GRIK1: variants seen among roughly 807,000 people sequenced by gnomAD.
The protein encoded by GRIK1 is glutamate receptor ionotropic, kainate 1.
Under a neutral mutation model 105.7 loss-of-function variants are expected in GRIK1, and 69 were observed. The observed-to-expected ratio is 0.65, with a 90% CI of 0.54 to 0.80. The LOEUF is 0.80. GRIK1 is among the 30% of genes least tolerant of loss of function. The probability of loss-of-function intolerance (pLI) is 0.00; values close to 1 mark genes in which losing one functional copy is unlikely to be tolerated. For synonymous variants in GRIK1, 438 were observed against 431.3 expected (o/e 1.02, Z -0.19); for missense variants, 1,109 against 1,167.3 (o/e 0.95, Z 0.73).
At chr21:29,560,284 T>C (rs937087701) in intron 15 of GRIK1, among the ~76,000 whole-genome samples, 1 of 38,312 alleles carries the variant, frequency 2.6e-5, no homozygotes, top group Non-Finnish European at 5.0e-5. Flanking sequence ...TACAGTTTTC[T>C]TTCTTTCTTT....
intron 1 of GRIK1, among the ~76,000 whole-genome samples, chr21:29,745,968 G>T (rs967868878): frequency 1.3e-5 from 2 of 152,096 alleles, no homozygotes; most frequent in Non-Finnish European, 2.9e-5. Flanking sequence ...GCCAGGTGTG[G>T]TGGCGGGCGC....
At chr21:29,562,226 C>T (rs1452546037) in intron 14 of GRIK1, among the ~76,000 whole-genome samples, 1 of 152,166 alleles carries the variant, frequency 6.6e-6, no homozygotes, top group Non-Finnish European at 1.5e-5. Flanking sequence ...CTTGATCTAG[C>T]ATTCTTCTGC....
chr21:29,902,408 A>G (rs1403885162), intron 1 of GRIK1, among the ~76,000 whole-genome samples: 1 of 152,230 alleles, frequency 6.6e-6, no homozygotes, highest in African/African-American at 2.4e-5. Context: ...CCATCATCTC[A>G]GCCCAAATTC....
At chr21:29,727,124 T>A (rs1024282351) in intron 1 of GRIK1, among the ~76,000 whole-genome samples, 1 of 151,926 alleles carries the variant, frequency 6.6e-6, no homozygotes, top group African/African-American at 2.4e-5. Context: ...TGGGGTCTCA[T>A]CATGTTGCCC....
At chr21:29,850,793 A>G (rs552907081) in intron 1 of GRIK1, among the ~76,000 whole-genome samples, 1 of 152,324 alleles carries the variant, frequency 6.6e-6, no homozygotes, top group South Asian at 2.1e-4. Flanking sequence ...AATCTTCAGT[A>G]TAACAGGGGA....
At chr21:29,863,141 A>G (rs1253740943) in intron 1 of GRIK1, among the ~76,000 whole-genome samples, 3 of 152,226 alleles carry the variant, frequency 2.0e-5, no homozygotes, top group African/African-American at 7.2e-5. Context: ...TTTGAAAATC[A>G]TATTCTGATA....
chr21:29,709,328 T>C (rs1171257355), intron 1 of GRIK1, among the ~76,000 whole-genome samples: 2 of 150,298 alleles, frequency 1.3e-5, no homozygotes, highest in African/African-American at 4.9e-5. Context: ...TTGCCCAGAT[T>C]GGAGTGCCGT....
At chr21:29,679,726 T>G (rs1201557316) in intron 3 of GRIK1, among the ~76,000 whole-genome samples, 1 of 152,228 alleles carries the variant, frequency 6.6e-6, no homozygotes, top group Non-Finnish European at 1.5e-5. Context: ...TCCTAACCTC[T>G]ACTCCCTCAG....
intron 11 of GRIK1, among the ~76,000 whole-genome samples, chr21:29,587,812 C>A (rs1306580924): frequency 6.6e-6 from 1 of 151,872 alleles, no homozygotes; most frequent in East Asian, 1.9e-4. Flanking sequence ...CATATACATA[C>A]ACAAATATAT....
Position 29,537,390 on chromosome 21 carries a change from G to A in GRIK1, c.2695-5C>T, listed in dbSNP as rs1310774239. The A allele has an allele frequency of 2.5e-6, 4 of 1,605,724 alleles. No individual in the cohort carries two copies. In the Middle Eastern group the frequency reaches 6.7e-4, roughly 267 times the overall value. On this transcript the variant is annotated splice_region_variant and splice_polypyrimidine_tract_variant and intron_variant, in intron 17 of 17. Coordinates refer to ENST00000327783, the MANE Select transcript of GRIK1 (RefSeq NM_001330994.2). The stretch of plus-strand genomic sequence containing the variant: ...GATAGCGTTGAAAGAGAGACACTAG[G>A]GAACATGAGATACAGACCATCAGCT...
chr21:29,624,972 C>T (rs2062090382), intron 7 of GRIK1, among the ~76,000 whole-genome samples: 1 of 152,228 alleles, frequency 6.6e-6, no homozygotes, highest in East Asian at 1.9e-4. Context: ...TCACTACCTC[C>T]TGTTCCTCAG....
intron 1 of GRIK1, among the ~76,000 whole-genome samples, chr21:29,725,651 G>A (rs1051806960): frequency 2.6e-5 from 4 of 152,112 alleles, no homozygotes; most frequent in African/African-American, 7.2e-5. Flanking sequence ...TCATTTAAAC[G>A]TCCATAAAAC....
At chr21:29,562,300 A>G (rs2090500144) in intron 14 of GRIK1, among the ~76,000 whole-genome samples, 1 of 151,894 alleles carries the variant, frequency 6.6e-6, no homozygotes, top group Non-Finnish European at 1.5e-5. Flanking sequence ...ACTGTCATTC[A>G]CTCTTCTCTT....
At chr21:29,849,051 T>C (rs970365550) in intron 1 of GRIK1, among the ~76,000 whole-genome samples, 2 of 152,066 alleles carry the variant, frequency 1.3e-5, no homozygotes, top group African/African-American at 4.8e-5. Context: ...CATAGTATAG[T>C]TCCTGGCATA....
At chr21:29,848,755 G>GTGTGTA (rs773386863) in intron 1 of GRIK1, among the ~76,000 whole-genome samples, 1 of 91,226 alleles carries the variant, frequency 1.1e-5, no homozygotes, top group East Asian at 3.2e-4. Flanking sequence ...AGTTGTGTGT[G>GTGTGTA]TATATATATA....
chr21:29,713,556 A>G (rs1426408747), intron 1 of GRIK1, among the ~76,000 whole-genome samples: 1 of 152,206 alleles, frequency 6.6e-6, no homozygotes, highest in Non-Finnish European at 1.5e-5. Flanking sequence ...TGAAATGGGT[A>G]ACGGACCATA....
intron 1 of GRIK1, among the ~76,000 whole-genome samples, chr21:29,859,296 G>T (rs1014695431): frequency 2.8e-4 from 42 of 151,480 alleles, no homozygotes; most frequent in Non-Finnish European, 4.7e-4. Flanking sequence ...CACCAACATG[G>T]CACATGTATA....
chr21:29,574,902 G>A (rs887181595), intron 14 of GRIK1, among the ~76,000 whole-genome samples: 1 of 151,608 alleles, frequency 6.6e-6, no homozygotes, highest in Non-Finnish European at 1.5e-5. Flanking sequence ...CACCGTGTTA[G>A]CCAGGATGGT....
At chr21:29,668,180 G>C (rs989493798) in intron 4 of GRIK1, among the ~76,000 whole-genome samples, 1 of 152,158 alleles carries the variant, frequency 6.6e-6, no homozygotes, top group African/African-American at 2.4e-5. Flanking sequence ...AGGGATTTGG[G>C]GGAAAAGGAC....
Sources: allele counts gnomAD v4.1 joint callset (sites outside exome capture counted in the v4.1 genomes callset), GRCh38; gene constraint gnomAD v4.1.1; transcripts MANE v1.5; gene names NCBI Gene and HGNC (gene_info 2026-07-23, HGNC 2026-07-21).